ENTREP2: variants seen among roughly 807,000 people sequenced by gnomAD.
ENTREP2 encodes endosomal transmembrane epsin interactor 2.
the ENTREP2 span, among the ~76,000 whole-genome samples, chr15:29,428,566 A>C: frequency 7.0e-4 from 101 of 143,272 alleles, 2 homozygotes; most frequent in African/African-American, 2.4e-3. Context: ...CTCTTTTCCC[A>C]AAAAAAAAAA....
At chr15:29,581,942 GTTT>G in the ENTREP2 span, among the ~76,000 whole-genome samples, 7 of 138,866 alleles carry the variant, frequency 5.0e-5, no homozygotes, top group Admixed American at 1.5e-4. Flanking sequence ...AAATATGCTG[GTTT>G]TTTTTTTTTT....
the ENTREP2 span, among the ~76,000 whole-genome samples, chr15:29,554,631 A>G: frequency 6.6e-6 from 1 of 152,126 alleles, no homozygotes; most frequent in Non-Finnish European, 1.5e-5. Flanking sequence ...TTCAGATAGT[A>G]TTAAGTGTGC....
the ENTREP2 span, among the ~76,000 whole-genome samples, chr15:29,260,485 C>T: frequency 1.3e-5 from 2 of 152,100 alleles, no homozygotes; most frequent in Non-Finnish European, 2.9e-5. Flanking sequence ...GCAAGAAAGT[C>T]GATCAATGTA....
chr15:29,136,235 G>T, the ENTREP2 span: 8 of 967,722 alleles, frequency 8.3e-6, no homozygotes, highest in Middle Eastern at 3.3e-4. Flanking sequence ...CTCGGCACAG[G>T]GCGCTCATGA....
the ENTREP2 span, among the ~76,000 whole-genome samples, chr15:29,309,449 A>G: frequency 1.2e-4 from 19 of 152,192 alleles, no homozygotes; most frequent in African/African-American, 4.3e-4. Context: ...GTGTGTGTTG[A>G]TGACCTTCCC....
chr15:29,641,340 A>T, the ENTREP2 span, among the ~76,000 whole-genome samples: 1 of 152,200 alleles, frequency 6.6e-6, no homozygotes, highest in African/African-American at 2.4e-5. Flanking sequence ...AACAAAAGTC[A>T]TCAAAATTGG....
chr15:29,126,251 A>G, the ENTREP2 span: 3 of 1,453,970 alleles, frequency 2.1e-6, no homozygotes, highest in Non-Finnish European at 2.7e-6. Flanking sequence ...GACATGGGTG[A>G]GCCTGGCCAA....
the ENTREP2 span, among the ~76,000 whole-genome samples, chr15:29,411,403 A>G: frequency 2.6e-5 from 4 of 151,946 alleles, no homozygotes; most frequent in Non-Finnish European, 5.9e-5. Context: ...GGTGTAAACG[A>G]TTTCTCTCCA....
At chr15:29,453,061 C>G in the ENTREP2 span, among the ~76,000 whole-genome samples, 3 of 152,080 alleles carry the variant, frequency 2.0e-5, no homozygotes, top group African/African-American at 2.4e-5. Context: ...AAAATCACCT[C>G]GAGGCAACTG....
chr15:29,510,917 G>A, the ENTREP2 span, among the ~76,000 whole-genome samples: 6 of 151,896 alleles, frequency 4.0e-5, no homozygotes, highest in African/African-American at 9.7e-5. Context: ...GGAAACCATC[G>A]TTATCAACAA....
the ENTREP2 span, among the ~76,000 whole-genome samples, chr15:29,420,655 A>C: frequency 6.7e-6 from 1 of 150,314 alleles, no homozygotes; most frequent in East Asian, 1.9e-4. Context: ...AGAAATAAAC[A>C]ACCTAGAGGC....
At chr15:29,341,453 G>A in the ENTREP2 span, among the ~76,000 whole-genome samples, 1 of 152,234 alleles carries the variant, frequency 6.6e-6, no homozygotes, top group Non-Finnish European at 1.5e-5. Flanking sequence ...ACATTGGCCA[G>A]TGAAAGCTGA....
the ENTREP2 span, among the ~76,000 whole-genome samples, chr15:29,172,061 T>C: frequency 2.0e-5 from 3 of 152,130 alleles, no homozygotes; most frequent in Admixed American, 1.3e-4. Flanking sequence ...TTAGAGTGTT[T>C]TCACTCATGA....
At chr15:29,266,689 A>C in the ENTREP2 span, 1 of 152,192 alleles carries the variant, frequency 6.6e-6, no homozygotes, top group Non-Finnish European at 1.5e-5. Context: ...CACAAAATAA[A>C]ACTCTATATT....
chr15:29,188,269 A>C, the ENTREP2 span, among the ~76,000 whole-genome samples: 44 of 152,020 alleles, frequency 2.9e-4, 2 homozygotes, highest in East Asian at 8.5e-3. Context: ...TTATACTTTA[A>C]GTTTTGGGAT....
At chr15:29,140,048 G>A in the ENTREP2 span, among the ~76,000 whole-genome samples, 24 of 152,292 alleles carry the variant, frequency 1.6e-4, 1 homozygote, top group African/African-American at 3.1e-4. Flanking sequence ...GGTTTCCTGC[G>A]CCTTCCCACC....
chr15:29,423,081 CAG>C, the ENTREP2 span, among the ~76,000 whole-genome samples: 33 of 152,238 alleles, frequency 2.2e-4, no homozygotes, highest in South Asian at 3.1e-3. Flanking sequence ...CCTTTTCATG[CAG>C]AGTCACGGTG....
chr15:29,385,426 T>C, the ENTREP2 span, among the ~76,000 whole-genome samples: 1 of 152,128 alleles, frequency 6.6e-6, no homozygotes, highest in Non-Finnish European at 1.5e-5. Flanking sequence ...TTTCCAAGTA[T>C]CATTAATAAC....
At chr15:29,118,825 C>G in the ENTREP2 span, among the ~76,000 whole-genome samples, 305 of 152,296 alleles carry the variant, frequency 2.0e-3, 1 homozygote, top group Non-Finnish European at 2.8e-3. Context: ...TCATGGCCAC[C>G]GTTCTGGTGT....
Sources: gnomAD v4.1 joint callset for allele counts (sites outside exome capture counted in the v4.1 genomes callset) on GRCh38, gnomAD v4.1.1 for gene constraint, MANE v1.5 for transcripts, NCBI Gene and HGNC (gene_info 2026-07-23, HGNC 2026-07-21) for gene names.